ZNF451: variants seen among roughly 807,000 people sequenced by gnomAD.
The protein encoded by ZNF451 is E3 SUMO-protein ligase ZNF451.
A neutral mutation model predicts 107.1 loss-of-function variants in ZNF451; 80 were observed. The ratio of observed to expected loss-of-function variants is 0.75; its 90% CI spans 0.62 to 0.90. The LOEUF is 0.90. Among genes scored for constraint, ZNF451 ranks in the 40% least tolerant of loss-of-function variants. ZNF451 has a pLI of 0.00. For synonymous variants in ZNF451, 362 were observed against 406.5 expected, an observed-to-expected ratio of 0.89 and a Z score of 1.32; for missense variants, 1,107 against 1,236.2, an observed-to-expected ratio of 0.90 and a Z score of 1.57.
chr6:57,130,496 T>C (rs1323230394), intron 5 of ZNF451, among the ~76,000 whole-genome samples: 1 of 152,144 alleles, frequency 6.6e-6, no homozygotes, highest in Non-Finnish European at 1.5e-5. Flanking sequence ...AGGGCATCTG[T>C]ACTTTTGGGA....
rs368967724 is a variant in ZNF451, at chr6:57,128,567, C to G, written c.313-162C>G. ...TAACACTGGTATACACATCTTAGAG[C>G]GTGCATTTTTATTTTGATGTATTTC... On this transcript the variant is annotated intron_variant, in intron 4 of 14. Transcript: ENST00000370706. Among the ~76,000 whole-genome samples, 5 of 152,062 alleles carry G rather than the reference C, an allele frequency of 3.3e-5. No individual in the cohort carries two copies. In the East Asian group the frequency reaches 5.8e-4, roughly 18 times the overall value.
chr6:57,107,280 AT>A, intron 3 of ZNF451: 1 of 985,228 alleles, frequency 1.0e-6, no homozygotes, highest in Non-Finnish European at 1.2e-6. Context: ...TGTAGATGAT[AT>A]TTTTATTCTA....
At chr6:57,136,735 T>A (rs1831447790) in intron 7 of ZNF451, among the ~76,000 whole-genome samples, 1 of 152,210 alleles carries the variant, frequency 6.6e-6, no homozygotes, top group African/African-American at 2.4e-5. Flanking sequence ...TATATATGTC[T>A]GTTTTCTTTA....
chr6:57,108,188 A>G, intron 3 of ZNF451: 1 of 985,398 alleles, frequency 1.0e-6, no homozygotes, highest in Non-Finnish European at 1.2e-6. Context: ...AAGTGCTTCA[A>G]GAATTGTGTT....
At chr6:57,110,762 C>T (rs1345533435) in intron 3 of ZNF451, among the ~76,000 whole-genome samples, 2 of 152,118 alleles carry the variant, frequency 1.3e-5, no homozygotes, top group African/African-American at 2.4e-5. Flanking sequence ...TTCCTATCAC[C>T]AGAACCCTCT....
At chr6:57,107,140 A>G in intron 3 of ZNF451, 1 of 985,424 alleles carries the variant, frequency 1.0e-6, no homozygotes, top group Non-Finnish European at 1.2e-6. Context: ...TATATCTGGA[A>G]GTGGTCATAG....
intron 3 of ZNF451, chr6:57,102,116 C>A: frequency 6.8e-7 from 1 of 1,472,164 alleles, no homozygotes; most frequent in Non-Finnish European, 9.0e-7. Flanking sequence ...TAATGTTCAG[C>A]AGAGTAGTCA....
At chr6:57,150,556 T>A (rs1401246220) in intron 10 of ZNF451, 163 bp from the exon 11 acceptor site, 1 of 543,710 alleles carries the variant, frequency 1.8e-6, no homozygotes, top group African/African-American at 1.9e-5. Flanking sequence ...GTGTAAATGG[T>A]GTCATGTACA....
Position 57,148,190 on chromosome 6 carries a change from A to C in ZNF451, c.2105A>C (p.Glu702Ala), listed in dbSNP as rs757131731. 3 of 1,613,982 alleles carry C rather than the reference A, an allele frequency of 1.9e-6. No individual in the cohort carries two copies. Among genetic ancestry groups the C allele is most frequent in the Non-Finnish European group, 2.5e-6 (3 of 1,179,988 alleles). ...TATGTATTTGTGTCAGAAAAAACTGAAACTTCAATTAAAACCGAAGATGAT... is the reference window on the plus strand; with the variant it reads ...TATGTATTTGTGTCAGAAAAAACTGCAACTTCAATTAAAACCGAAGATGAT... ...IDYVFVSEKT[E>A]TSIKTEDDFP... The change falls in exon 10 of 15, where the codon GAA (glutamate) becomes GCA (alanine). Residue 702 changes from glutamate (E) to alanine (A), a missense_variant. Glu to Ala is a moderately radical substitution (Grantham distance 107). Transcript: ENST00000370706.
Position 57,134,751 on chromosome 6 carries a change from C to A in ZNF451, c.583C>A (p.His195Asn). 1 of 1,611,962 alleles carries A rather than the reference C, an allele frequency of 6.2e-7. No homozygotes were observed. The highest frequency in any genetic ancestry group is 1.1e-5 in the South Asian group (1 of 90,826). The change falls in exon 7 of 15, where the codon CAC (histidine) becomes AAC (asparagine). Residue 195 changes from histidine (H) to asparagine (N), a missense_variant. Physicochemically the swap from His to Asn is moderately conservative, Grantham distance 68 (BLOSUM62 1). Transcript: ENST00000370706. ...LLLGHLKRFD[H>N]SPCDPTITLH... ...ACCTCTTTTGCTGAGTAGGTTCGAT[C>A]ACTCTCCATGTGATCCAACAATTAC...
At position 57,148,521 on chromosome 6, in the gene ZNF451, T is replaced by C. The variant is rs1832195309; in HGVS notation, c.2436T>C (p.His812=). Residue 812 remains histidine, a synonymous_variant, in exon 10 of 15, where the codon CAT becomes CAC. Coordinates refer to ENST00000370706, the MANE Select transcript of ZNF451 (RefSeq NM_001031623.3). ...CACAGCAGCATTTCCATAGAAAACA[T>C]TGCTTCTTACAGAAACCCAGTGTGG... The part of the protein sequence containing the change: ...ESAQQHFHRK[H]CFLQKPSVAH... The C allele has an allele frequency of 6.2e-7, 1 of 1,614,108 alleles. No homozygotes were observed. The highest frequency in any genetic ancestry group is 2.2e-5 in the East Asian group (1 of 44,874).
At chr6:57,160,973 AATG>A in intron 13 of ZNF451, 108 bp from the exon 14 acceptor site, 1 of 578,464 alleles carries the variant, frequency 1.7e-6, no homozygotes, top group East Asian at 3.1e-5. Context: ...GTGTAACACT[AATG>A]AACTGTATTA....
At chr6:57,122,924 C>T (rs1830714029) in intron 3 of ZNF451, among the ~76,000 whole-genome samples, 2 of 152,182 alleles carry the variant, frequency 1.3e-5, no homozygotes, top group Admixed American at 1.3e-4. Context: ...CCTGTAATCC[C>T]AGCATTTTGG....
rs960759743 is a variant in ZNF451, at chr6:57,107,773, C to T, written c.186+8632C>T. 7.4e-5 allele frequency: 73 copies of T among 984,140 alleles called. No individual in the cohort carries two copies. In the Admixed American group the frequency reaches 1.7e-3, roughly 23 times the overall value. The allele number at this position is 984,140 out of a possible 1,614,324, so 61.0% of individuals were successfully genotyped here. The stretch of plus-strand genomic sequence containing the variant: ...GACTTTGGAGATCTCTCAAGTTGTA[C>T]TGTTTTCTAGTATTCCTGAGTATAT... On this transcript the variant is annotated intron_variant, in intron 3 of 14. Coordinates refer to ENST00000370706, the MANE Select transcript of ZNF451 (RefSeq NM_001031623.3).
chr6:57,165,015 A>G (rs2058234906), intron 14 of ZNF451: 1 of 152,148 alleles, frequency 6.6e-6, no homozygotes, highest in African/African-American at 2.4e-5. Context: ...GCTTTTGTTT[A>G]TCTGAGAATT....
At chr6:57,095,811 TTTTTTGTTGTTG>T (rs925363470) in intron 2 of ZNF451, among the ~76,000 whole-genome samples, 16 of 130,856 alleles carry the variant, frequency 1.2e-4, no homozygotes, top group Non-Finnish European at 1.7e-4. Flanking sequence ...GCAGCTTTTT[TTTTTTGTTGTTG>T]TTGTTGTTGT....
chr6:57,090,381 C>G, intron 1 of ZNF451, 107 bp downstream of exon 1: 11 of 1,523,150 alleles, frequency 7.2e-6, no homozygotes, highest in Non-Finnish European at 9.8e-6. Context: ...GGGGCGATAC[C>G]TCTTCAGTGT....
chr6:57,105,033 G>A, intron 3 of ZNF451: 1 of 984,112 alleles, frequency 1.0e-6, no homozygotes, highest in East Asian at 1.1e-4. Flanking sequence ...TGGCATACTT[G>A]AATGATAATG....
At chr6:57,109,245 T>A (rs1173376547) in intron 3 of ZNF451, 5 of 985,330 alleles carry the variant, frequency 5.1e-6, no homozygotes, top group Non-Finnish European at 6.0e-6. Flanking sequence ...ATCGTATTGC[T>A]TGAGTTTTTT....
Sources: allele counts gnomAD v4.1 joint callset (sites outside exome capture counted in the v4.1 genomes callset), GRCh38; gene constraint gnomAD v4.1.1; transcripts MANE v1.5; gene names NCBI Gene and HGNC (gene_info 2026-07-23, HGNC 2026-07-21).